Variants in RASGRP2 observed in about 807,000 individuals in gnomAD.
RASGRP2 encodes RAS guanyl-releasing protein 2.
In RASGRP2, 44 loss-of-function variants were observed where a neutral mutation model predicts 71.0. The observed-to-expected ratio is 0.62, with a 90% CI of 0.49 to 0.80. The LOEUF (loss-of-function observed/expected upper bound fraction) is 0.80. Among genes scored for constraint, RASGRP2 ranks in the 30% least tolerant of loss-of-function variants. RASGRP2 has a pLI of 0.00. For missense variants in RASGRP2, 663 were observed against 813.4 expected (o/e 0.82, Z 2.25); for synonymous variants, 350 against 330.7 (o/e 1.06, Z -0.63).
rs752892261 is a variant in RASGRP2 at position 64,742,433 on chromosome 11, G to C, written c.74-321C>G. 17 of 562,456 alleles carry C rather than the reference G, an allele frequency of 3.0e-5. No individual in the cohort carries two copies. Among genetic ancestry groups the C allele is most frequent in the Non-Finnish European group, 5.1e-5 (16 of 312,752 alleles). 34.8% of individuals were successfully genotyped at this position (562,456 alleles called of 1,614,324 possible). Reference sequence around the variant, plus strand: ...TCATTTCCTGAGCGCTTGGGGGGAAGGGGCACCCCTTCACCAGATAAGCCG... The same window carrying C: ...TCATTTCCTGAGCGCTTGGGGGGAACGGGCACCCCTTCACCAGATAAGCCG... On this transcript the variant is annotated intron_variant, in intron 2 of 16. Coordinates refer to ENST00000394432, the MANE Select transcript of RASGRP2 (RefSeq NM_001098671.2). This position sits in a 1 kb window ranked among gnomAD's most constrained non-coding sequence, Gnocchi z 4.7.
At position 64,729,780 on chromosome 11, in the gene RASGRP2, G is replaced by A. The variant is rs1360368234; in HGVS notation, c.1573C>T (p.Gln525Ter). The A allele has an allele frequency of 1.2e-6, 2 of 1,614,182 alleles. No individual in the cohort carries two copies. Among genetic ancestry groups the A allele is most frequent in the Admixed American group, 3.3e-5 (2 of 60,034 alleles). ...CKALILGIYK[Q>*]GLKCRACGVN... ...ATCTCACCTCGGCATTTGAGGCCCT[G>A]CTTGTAGATGCCCAGGATCTGCAAT... is the stretch of plus-strand genomic sequence containing the variant. The change falls in exon 14 of 17, where the codon CAG becomes TAG. Residue 525 changes from glutamine to a stop codon, truncating the protein, a stop_gained. Transcript: ENST00000394432. LOFTEE classifies it high-confidence loss of function.
intron 12 of RASGRP2, among the ~76,000 whole-genome samples, chr11:64,731,602 A>G (rs1157480301): frequency 6.6e-6 from 1 of 152,236 alleles, no homozygotes; most frequent in Non-Finnish European, 1.5e-5. Flanking sequence ...AATCAATGAG[A>G]AAAAGACCAA....
chr11:64,729,917 CAGG>C, intron 13 of RASGRP2, 119 bp from the exon 14 acceptor site: 4 of 1,561,534 alleles, frequency 2.6e-6, no homozygotes, highest in Admixed American at 1.8e-5. Flanking sequence ...GGCAGAACCA[CAGG>C]AGGAGAGGCA....
rs1427970808 is a variant in RASGRP2 at position 64,739,571 on chromosome 11, A to G, written c.696+65T>C. ...AGAGAGAAGGCAGTGGGTTAGGGGA[A>G]GGGAAGGGTTGGCCTGACTGGCATG... On this transcript the variant is annotated intron_variant, in intron 7 of 16. Transcript: ENST00000394432. This position sits in a 1 kb window ranked among gnomAD's most constrained non-coding sequence, Gnocchi z 4.2. 1.2e-6 allele frequency: 2 copies of G among 1,611,100 alleles called. No homozygotes were observed. Among genetic ancestry groups the G allele is most frequent in the African/African-American group, 1.3e-5 (1 of 74,890 alleles).
In RASGRP2 at chr11:64,739,123, A is replaced by G. The variant is rs2058037981; in HGVS notation, c.813+237T>C. Among the ~76,000 whole-genome samples, 3 of 150,888 alleles carry G rather than the reference A, an allele frequency of 2.0e-5. No homozygotes were observed. Reference sequence around the variant, plus strand: ...CACTGAACTCCAGTCTGGACAACAGAGAGAGAGACCCTGTCTTAAAAAAAA... The same window carrying G: ...CACTGAACTCCAGTCTGGACAACAGGGAGAGAGACCCTGTCTTAAAAAAAA... On this transcript the variant is annotated intron_variant, in intron 8 of 16. Transcript: ENST00000394432. This position sits in a 1 kb window ranked among gnomAD's most constrained non-coding sequence, Gnocchi z 4.2.
chr11:64,739,377 T>A lies in RASGRP2; in HGVS notation c.796A>T (p.Ser266Cys), dbSNP rs1303658509. Reference protein sequence around the residue: ...SRLKETHSHVSPETIKLWEGL... With the variant: ...SRLKETHSHVCPETIKLWEGL... ...CCAGGCACCTTGATGGTCTCAGGGC[T>A]AACGTGGCTGTGGGTCTCCTTGAGG... Residue 266 changes from serine to cysteine, a missense_variant, in exon 8 of 17, where the codon AGC (serine) becomes TGC (cysteine). Ser to Cys is a moderately radical substitution (Grantham distance 112, BLOSUM62 -1). Transcript: ENST00000394432. This position sits in a 1 kb window ranked among gnomAD's most constrained non-coding sequence, Gnocchi z 4.2. 1 of 1,614,122 alleles carries A rather than the reference T, an allele frequency of 6.2e-7. No individual in the cohort carries two copies. The highest frequency in any genetic ancestry group is 8.5e-7 in the Non-Finnish European group (1 of 1,180,010).
upstream of RASGRP2, chr11:64,745,139 A>C (rs2058263638): frequency 6.6e-6 from 1 of 150,702 alleles, no homozygotes; most frequent in Non-Finnish European, 1.5e-5. Flanking sequence ...CCCCTCCCCC[A>C]ACCGCGGACG....
At chr11:64,740,261 C>T (rs2058079625) in intron 5 of RASGRP2, 98 bp from the exon 6 acceptor site, 4 of 1,502,092 alleles carry the variant, frequency 2.7e-6, no homozygotes, top group Admixed American at 1.7e-5. Context: ...TGAGAACCTA[C>T]ATAATGCGAG....
chr11:64,740,581 C>T lies in RASGRP2; in HGVS notation c.371+367G>A, dbSNP rs905460887. On this transcript the variant is annotated intron_variant, in intron 5 of 16. Transcript: ENST00000394432. Reference sequence around the variant, plus strand: ...AACGACAAATTCTACCCCGGAAGAGCCCCGAACCCTCAGAGCCCACGGAGA... The same window carrying T: ...AACGACAAATTCTACCCCGGAAGAGTCCCGAACCCTCAGAGCCCACGGAGA... The T allele has an allele frequency of 1.5e-5, 10 of 663,178 alleles. No homozygotes were observed. In the African/African-American group the frequency reaches 1.6e-4, roughly 11 times the overall value. 41.1% of individuals were successfully genotyped at this position (663,178 alleles called of 1,614,324 possible).
rs1357011940 is a variant in RASGRP2, at chr11:64,742,760, G to A, written c.73+34C>T. The A allele has an allele frequency of 1.9e-6, 3 of 1,583,836 alleles. No homozygotes were observed. The highest frequency in any genetic ancestry group is 2.7e-5 in the African/African-American group (2 of 74,516). On this transcript the variant is annotated intron_variant, in intron 2 of 16. Coordinates refer to ENST00000394432, the MANE Select transcript of RASGRP2 (RefSeq NM_001098671.2). The surrounding 1 kb of genome is among the most constrained non-coding windows in gnomAD (Gnocchi z 4.7). ...GACCCGGGCTCAGACTCGGGGCTAGGCTCAGGCTCCGTGTGCCCTCCCGAG... is the reference window on the plus strand; with the variant it reads ...GACCCGGGCTCAGACTCGGGGCTAGACTCAGGCTCCGTGTGCCCTCCCGAG...
intron 15 of RASGRP2, among the ~76,000 whole-genome samples, chr11:64,728,520 C>T (rs944621734): frequency 1.2e-4 from 19 of 152,074 alleles, no homozygotes; most frequent in Non-Finnish European, 2.4e-4. Flanking sequence ...CCCCGCCTCC[C>T]GGGTTCATGC....
rs767231242 is a variant in RASGRP2 at position 64,739,644 on chromosome 11, C to G, written c.688G>C (p.Val230Leu). ...GAGGGAGGGGCAGGCACCTCCGCCACGTGGACAAAGTGTGTGATGACCAGG... is the reference window on the plus strand; with the variant it reads ...GAGGGAGGGGCAGGCACCTCCGCCAGGTGGACAAAGTGTGTGATGACCAGG... The part of the protein sequence containing the change: ...RALVITHFVH[V>L]AEKLLQLQNF... The change falls in exon 7 of 17, where the codon GTG (valine) becomes CTG (leucine). Residue 230 changes from valine (V) to leucine (L), a missense_variant. Val to Leu is a conservative substitution (Grantham distance 32, BLOSUM62 1). Coordinates refer to ENST00000394432, the MANE Select transcript of RASGRP2 (RefSeq NM_001098671.2). This position sits in a 1 kb window ranked among gnomAD's most constrained non-coding sequence, Gnocchi z 4.2. 6.2e-7 allele frequency: 1 copy of G among 1,613,396 alleles called. No homozygotes were observed. The highest frequency in any genetic ancestry group is 1.1e-5 in the South Asian group (1 of 91,072).
chr11:64,736,084 T>A (rs964799747), intron 9 of RASGRP2, 104 bp from the exon 10 acceptor site: 28 of 888,702 alleles, frequency 3.2e-5, no homozygotes, highest in Non-Finnish European at 5.0e-5. Context: ...AGAGCTCGGG[T>A]CAGAAGCTAG....
chr11:64,739,854 C>G lies in RASGRP2; in HGVS notation c.523-45G>C, dbSNP rs2058063935. ...CCTCAGCACCTTGCTGGCCTCTCCC[C>G]TCACTGATAGCCACTCCTCACCCTC... On this transcript the variant is annotated intron_variant, in intron 6 of 16. Transcript: ENST00000394432. This position sits in a 1 kb window ranked among gnomAD's most constrained non-coding sequence, Gnocchi z 4.2. 4 of 1,611,492 alleles carry G rather than the reference C, an allele frequency of 2.5e-6. No homozygotes were observed. The African/African-American group carries it at 5.3e-5, about 22-fold the overall frequency.
chr11:64,736,888 G>A lies in RASGRP2; in HGVS notation c.960C>T (p.Asp320=), dbSNP rs753605072. Reference sequence around the variant, plus strand: ...GCCGGGTCCGGGCTGGGTCCAGCCAGTCAGGCAGTGCCAGCTGCAGGGCCA... The same window carrying A: ...GCCGGGTCCGGGCTGGGTCCAGCCAATCAGGCAGTGCCAGCTGCAGGGCCA... ...DLVALQLALP[D]WLDPARTRLN... The change falls in exon 9 of 17, where the codon GAC becomes GAT. Residue 320 remains aspartate (D), a synonymous_variant. Coordinates refer to ENST00000394432, the MANE Select transcript of RASGRP2 (RefSeq NM_001098671.2). The A allele has an allele frequency of 5.6e-6, 9 of 1,613,928 alleles. No homozygotes were observed. The highest frequency in any genetic ancestry group is 5.9e-6 in the Non-Finnish European group (7 of 1,180,036).
At chr11:64,730,676 C>T (rs2057736748) in intron 12 of RASGRP2, among the ~76,000 whole-genome samples, 1 of 152,200 alleles carries the variant, frequency 6.6e-6, no homozygotes. Context: ...CAGGGCTTTC[C>T]GCAGAAGCCC....
At chr11:64,734,154 A>G (rs969112898) in intron 12 of RASGRP2, among the ~76,000 whole-genome samples, 2 of 151,894 alleles carry the variant, frequency 1.3e-5, no homozygotes, top group African/African-American at 4.8e-5. Context: ...TCTGCTAAAA[A>G]TACAAAAATT....
chr11:64,730,075 G>A lies in RASGRP2; in HGVS notation c.1532C>T (p.Ala511Val). 3.9e-6 allele frequency: 6 copies of A among 1,550,296 alleles called. No homozygotes were observed. Among genetic ancestry groups the A allele is most frequent in the Non-Finnish European group, 4.4e-6 (5 of 1,147,476 alleles). ...FQESNSLRPV[A>V]CRHCKALILG... is the part of the protein sequence containing the mutation. Reference sequence around the variant, plus strand: ...CACCAGGGCTTTGCAGTGGCGGCAGGCGACGGGGCGCAAGGAGTTGCTCTC... The same window carrying A: ...CACCAGGGCTTTGCAGTGGCGGCAGACGACGGGGCGCAAGGAGTTGCTCTC... Residue 511 changes from alanine to valine, a missense_variant, in exon 13 of 17, where the codon GCC becomes GTC. Physicochemically the swap from Ala to Val is moderately conservative, Grantham distance 64. Coordinates refer to ENST00000394432, the MANE Select transcript of RASGRP2 (RefSeq NM_001098671.2).
rs2230414 is a variant in RASGRP2 at position 64,728,885 on chromosome 11, G to T, written c.1749C>A (p.Gly583=). The change falls in exon 15 of 17, where the codon GGC becomes GGA. Residue 583 remains glycine (G), a synonymous_variant. Coordinates refer to ENST00000394432, the MANE Select transcript of RASGRP2 (RefSeq NM_001098671.2). ...TACCTGGAGGCCTGGAGCCTCGCCT[G>T]CCAGGGCGGGGCAGAGAGAAGCTGA... The part of the protein sequence containing the change: ...RAFSFSLPRP[G]RRGSRPPEIR... 186,580 of 1,611,766 alleles carry T rather than the reference G, an allele frequency of 0.12. 13,951 individuals carry two copies. The highest frequency in any genetic ancestry group is 0.37 in the East Asian group (16,472 of 44,836).
Sources: allele counts gnomAD v4.1 joint callset (sites outside exome capture counted in the v4.1 genomes callset), GRCh38; gene constraint gnomAD v4.1.1; non-coding constraint Gnocchi (gnomAD v3.1); transcripts MANE v1.5; gene names NCBI Gene and HGNC (gene_info 2026-07-23, HGNC 2026-07-21).